MISFA: variants seen among roughly 807,000 people sequenced by gnomAD.
The protein encoded by MISFA is mitochondrial sheath formation associated.
chr11:18,604,797 A>G, the MISFA span, among the ~76,000 whole-genome samples: 1 of 152,226 alleles, frequency 6.6e-6, no homozygotes, highest in Non-Finnish European at 1.5e-5. Context: ...GGGCATGTTT[A>G]TCTTGCCAAC....
At chr11:18,605,161 A>T in the MISFA span, among the ~76,000 whole-genome samples, 1 of 151,288 alleles carries the variant, frequency 6.6e-6, no homozygotes, top group Non-Finnish European at 1.5e-5. Flanking sequence ...AATTGCTTGA[A>T]CCCGGGAGGT....
chr11:18,604,639 A>G, the MISFA span, among the ~76,000 whole-genome samples: 10 of 152,146 alleles, frequency 6.6e-5, no homozygotes, highest in African/African-American at 2.4e-4. Context: ...AAAGAAAAAA[A>G]AAAAAGAACC....
At chr11:18,603,740 G>A in the MISFA span, 2 of 398,994 alleles carry the variant, frequency 5.0e-6, no homozygotes, top group Non-Finnish European at 8.8e-6. Context: ...CACTAGGCCT[G>A]CATGACACAC....
the MISFA span, chr11:18,609,826 G>A: frequency 6.3e-7 from 1 of 1,591,292 alleles, no homozygotes; most frequent in Non-Finnish European, 8.6e-7. Flanking sequence ...TTGCAGCAGA[G>A]CAGCTCTAGA....
At chr11:18,602,370 G>A in the MISFA span, 1 of 152,708 alleles carries the variant, frequency 6.5e-6, no homozygotes, top group African/African-American at 2.4e-5. Context: ...AGGACTTGAT[G>A]GTTGGGGTTT....
the MISFA span, chr11:18,608,638 T>A: frequency 1.3e-5 from 2 of 152,278 alleles, no homozygotes; most frequent in Non-Finnish European, 2.9e-5. Flanking sequence ...CCTTCCAGCA[T>A]GATCCTAAGT....
chr11:18,605,952 A>AC, the MISFA span, among the ~76,000 whole-genome samples: 2 of 152,204 alleles, frequency 1.3e-5, no homozygotes, highest in African/African-American at 2.4e-5. Flanking sequence ...TGCTGGGATT[A>AC]CAGGTGTGAG....
the MISFA span, chr11:18,603,098 C>T: frequency 2.5e-6 from 1 of 399,028 alleles, no homozygotes; most frequent in East Asian, 3.6e-5. Flanking sequence ...CGTGGGTACA[C>T]CACCAGCTGA....
At chr11:18,602,899 A>C in the MISFA span, 19 of 374,148 alleles carry the variant, frequency 5.1e-5, no homozygotes, top group Non-Finnish European at 7.6e-5. Flanking sequence ...TGGGTTGCCA[A>C]GGTTACAGGA....
At chr11:18,609,044 C>T in the MISFA span, 1 of 152,302 alleles carries the variant, frequency 6.6e-6, no homozygotes, top group Admixed American at 6.6e-5. Flanking sequence ...ATTACTCTTT[C>T]AAATCTAATG....
chr11:18,607,142 C>T, the MISFA span: 2 of 172,510 alleles, frequency 1.2e-5, no homozygotes, highest in Non-Finnish European at 1.2e-5. Flanking sequence ...GGATTACAGG[C>T]TTGAGCCACC....
At chr11:18,608,505 C>T in the MISFA span, 8 of 152,172 alleles carry the variant, frequency 5.3e-5, no homozygotes, top group Admixed American at 1.3e-4. Context: ...TATTGTAGAA[C>T]GTTTATTATT....
the MISFA span, chr11:18,602,773 C>A: frequency 4.8e-6 from 1 of 207,918 alleles, no homozygotes; most frequent in Non-Finnish European, 9.5e-6. Context: ...AATGAGTATA[C>A]TGCCAGCTAG....
the MISFA span, chr11:18,607,973 C>T: frequency 1.3e-5 from 2 of 152,234 alleles, no homozygotes; most frequent in African/African-American, 4.8e-5. Flanking sequence ...TGACAGATTT[C>T]AGAGTCTGAA....
At chr11:18,602,512 C>T in the MISFA span, 5 of 152,672 alleles carry the variant, frequency 3.3e-5, no homozygotes, top group Non-Finnish European at 4.4e-5. Flanking sequence ...AGTAAACAGA[C>T]AGCCCATCTT....
At chr11:18,609,744 C>A in the MISFA span, 1 of 815,586 alleles carries the variant, frequency 1.2e-6, no homozygotes, top group South Asian at 1.6e-5. Flanking sequence ...AGTATGCATT[C>A]CTTCTCCTTG....
chr11:18,609,850 A>C, the MISFA span: 27 of 1,613,260 alleles, frequency 1.7e-5, no homozygotes, highest in East Asian at 5.8e-4. Context: ...TCACAAAAAT[A>C]AAAGCAGCAG....
chr11:18,601,603 T>C, the MISFA span: 1 of 398,068 alleles, frequency 2.5e-6, no homozygotes, highest in Non-Finnish European at 4.4e-6. Context: ...AGAGACAAGG[T>C]GTCACTATGT....
At chr11:18,600,101 C>T in the MISFA span, 1 of 398,210 alleles carries the variant, frequency 2.5e-6, no homozygotes, top group Admixed American at 4.4e-5. Flanking sequence ...TGAGGTCTCA[C>T]CACTAACTGG....
Sources: gnomAD v4.1 joint callset for allele counts (sites outside exome capture counted in the v4.1 genomes callset) on GRCh38, gnomAD v4.1.1 for gene constraint, MANE v1.5 for transcripts, NCBI Gene and HGNC (gene_info 2026-07-23, HGNC 2026-07-21) for gene names.